PARD3B: variants seen among roughly 807,000 people sequenced by gnomAD.
PARD3B encodes the protein par-3 family cell polarity regulator beta.
PARD3B carries 103 observed loss-of-function variants against 130.2 expected under a neutral mutation model. The observed-to-expected ratio is 0.79, with a 90% confidence interval of 0.67 to 0.93. The LOEUF (loss-of-function observed/expected upper bound fraction) is 0.93. Ranked by LOEUF, PARD3B falls within the 40% of genes least tolerant of loss-of-function variation. The pLI is 0.00. For synonymous variants in PARD3B, 583 were observed against 553.2 expected, an observed-to-expected ratio of 1.05 and a Z score of -0.76; for missense variants, 1,609 against 1,499.2, an observed-to-expected ratio of 1.07 and a Z score of -1.21.
chr2:205,410,666 G>A (rs2046566245), intron 19 of PARD3B, among the ~76,000 whole-genome samples: 1 of 152,050 alleles, frequency 6.6e-6, no homozygotes. Flanking sequence ...ATCTTAATTT[G>A]CTGAAACTGG....
chr2:204,596,124 T>C (rs2033278948), intron 1 of PARD3B, among the ~76,000 whole-genome samples: 1 of 152,222 alleles, frequency 6.6e-6, no homozygotes, highest in Non-Finnish European at 1.5e-5. Context: ...TTTAGAATTA[T>C]GAAATCGTGA....
intron 19 of PARD3B, among the ~76,000 whole-genome samples, chr2:205,401,869 CA>C (rs2106016472): frequency 6.6e-6 from 1 of 152,336 alleles, no homozygotes; most frequent in African/African-American, 2.4e-5. Context: ...GAGATTATGA[CA>C]AAACCAGCAT....
At chr2:204,562,963 C>T (rs922080197) in intron 1 of PARD3B, among the ~76,000 whole-genome samples, 4 of 152,126 alleles carry the variant, frequency 2.6e-5, no homozygotes, top group African/African-American at 7.2e-5. Context: ...CTCACTCTAT[C>T]GCTCTGTGTT....
At chr2:205,444,444 G>A (rs577350829) in intron 20 of PARD3B, among the ~76,000 whole-genome samples, 115 of 152,336 alleles carry the variant, frequency 7.5e-4, no homozygotes, top group Middle Eastern at 3.4e-3. Context: ...GACAGAGAAA[G>A]ATCCTGTCTC....
intron 18 of PARD3B, among the ~76,000 whole-genome samples, chr2:205,364,272 A>G (rs752854434): frequency 6.6e-6 from 1 of 152,110 alleles, no homozygotes; most frequent in African/African-American, 2.4e-5. Flanking sequence ...GACTTCCTAT[A>G]TGCACTTCCT....
intron 3 of PARD3B, among the ~76,000 whole-genome samples, chr2:205,037,287 TATA>T (rs1559376678): frequency 7.7e-6 from 1 of 129,036 alleles, no homozygotes; most frequent in African/African-American, 2.9e-5. Flanking sequence ...AATATATATA[TATA>T]GTGGACTATT....
chr2:205,170,501 C>CTATGG (rs2035097262), intron 11 of PARD3B, among the ~76,000 whole-genome samples: 1 of 152,144 alleles, frequency 6.6e-6, no homozygotes, highest in South Asian at 2.1e-4. Context: ...CCATTTCTTC[C>CTATGG]CCGAGTGGGT....
At chr2:205,453,346 A>G (rs2048166990) in intron 20 of PARD3B, among the ~76,000 whole-genome samples, 1 of 152,174 alleles carries the variant, frequency 6.6e-6, no homozygotes. Context: ...TGTAGAGTGT[A>G]AGTCAGGGCC....
intron 2 of PARD3B, among the ~76,000 whole-genome samples, chr2:204,834,055 A>G (rs1214158508): frequency 2.0e-5 from 3 of 151,968 alleles, no homozygotes; most frequent in Admixed American, 2.0e-4. Context: ...ACCTGGGATG[A>G]CACCCTTCTG....
At chr2:204,837,050 A>G (rs1279443130) in intron 2 of PARD3B, among the ~76,000 whole-genome samples, 2 of 152,184 alleles carry the variant, frequency 1.3e-5, no homozygotes, top group African/African-American at 4.8e-5. Flanking sequence ...CCAATGAGAT[A>G]GTTCACCTTC....
In PARD3B at chr2:204,811,307, C is replaced by T. The variant is rs111333488; in HGVS notation, c.222+125025C>T. 4.1e-4 allele frequency among the ~76,000 whole-genome samples: 63 copies of T among 152,064 alleles called. 2 individuals are homozygous for T. The highest frequency in any genetic ancestry group is 1.1e-3 in the African/African-American group (45 of 41,490). On this transcript the variant is annotated intron_variant, in intron 2 of 22. Transcript: ENST00000406610. ...AAATTGGAACTTTTGTATCTGTTGC[C>T]GTAATAGAAGGTCTTGAAGTACTTA...
intron 18 of PARD3B, among the ~76,000 whole-genome samples, chr2:205,323,610 G>A (rs1434803475): frequency 1.3e-5 from 2 of 152,166 alleles, no homozygotes; most frequent in Non-Finnish European, 2.9e-5. Context: ...TACCTGACAA[G>A]TGGCTGATGT....
At chr2:205,255,207 A>G (rs2040028585) in intron 16 of PARD3B, among the ~76,000 whole-genome samples, 2 of 152,076 alleles carry the variant, frequency 1.3e-5, no homozygotes, top group African/African-American at 4.8e-5. Flanking sequence ...CTTGGTGCCC[A>G]GGATTGTTTA....
At position 205,590,547 on chromosome 2, in the gene PARD3B, A is replaced by G. The variant is rs2106596527; in HGVS notation, c.3261-24909A>G. 6.6e-6 allele frequency among the ~76,000 whole-genome samples: 1 copy of G among 152,304 alleles called. No individual in the cohort carries two copies. Among genetic ancestry groups the G allele is most frequent in the South Asian group, 2.1e-4 (1 of 4,826 alleles). On this transcript the variant is annotated intron_variant, in intron 22 of 22. Coordinates refer to ENST00000406610, the MANE Select transcript of PARD3B (RefSeq NM_001302769.2). The surrounding 1 kb of genome is among the most constrained non-coding windows in gnomAD (Gnocchi z 4.1). ...TTCTGATGATCCAGGCCTGGGTCAC[A>G]TGCCCCTCTGGAGTCCAGAGTGGAG...
intron 5 of PARD3B, among the ~76,000 whole-genome samples, chr2:205,107,012 A>G (rs565035431): frequency 6.6e-6 from 1 of 152,320 alleles, no homozygotes; most frequent in African/African-American, 2.4e-5. Context: ...GGGCAGGGAG[A>G]ATCTCATATG....
chr2:204,721,464 C>G (rs1472166885), intron 2 of PARD3B, among the ~76,000 whole-genome samples: 1 of 152,008 alleles, frequency 6.6e-6, no homozygotes, highest in African/African-American at 2.4e-5. Flanking sequence ...GGAAAGTGGA[C>G]TAAAGTTTTA....
At position 205,407,309 on chromosome 2, in the gene PARD3B, A is replaced by G. The variant is rs1219224179; in HGVS notation, c.2741+6186A>G. 2.0e-5 allele frequency among the ~76,000 whole-genome samples: 3 copies of G among 152,192 alleles called. No homozygotes were observed. The highest frequency in any genetic ancestry group is 4.4e-5 in the Non-Finnish European group (3 of 68,034). On this transcript the variant is annotated intron_variant, in intron 19 of 22. Coordinates refer to ENST00000406610, the MANE Select transcript of PARD3B (RefSeq NM_001302769.2). This position sits in a 1 kb window ranked among gnomAD's most constrained non-coding sequence, Gnocchi z 4.1. ...ATTAAATAAACTCATCATTTTGTTC[A>G]TGCTTCAGTGAGATTAGCCATAATA...
chr2:204,563,200 C>T (rs2031430028), intron 1 of PARD3B, among the ~76,000 whole-genome samples: 1 of 144,978 alleles, frequency 6.9e-6, no homozygotes, highest in African/African-American at 2.6e-5. Context: ...TCCGTTTTTA[C>T]ATGCCGTCTT....
intron 2 of PARD3B, among the ~76,000 whole-genome samples, chr2:204,938,390 C>G (rs1688629333): frequency 6.6e-6 from 1 of 152,216 alleles, no homozygotes; most frequent in Non-Finnish European, 1.5e-5. Flanking sequence ...GCTGTTCCCT[C>G]TGCGTGGAAT....
Sources: allele counts gnomAD v4.1 joint callset (sites outside exome capture counted in the v4.1 genomes callset), GRCh38; gene constraint gnomAD v4.1.1; non-coding constraint Gnocchi (gnomAD v3.1); transcripts MANE v1.5; gene names NCBI Gene and HGNC (gene_info 2026-07-23, HGNC 2026-07-21).